OR9Q1: variants seen among roughly 807,000 people sequenced by gnomAD.
OR9Q1 encodes the protein olfactory receptor 9Q1.
For synonymous variants in OR9Q1, 153 were observed against 148.6 expected (o/e 1.03, Z -0.22); for missense variants, 374 against 378.8 (o/e 0.99, Z 0.11).
intron 2 of OR9Q1, among the ~76,000 whole-genome samples, chr11:58,147,197 C>A (rs940419698): frequency 6.6e-6 from 1 of 152,094 alleles, no homozygotes; most frequent in African/African-American, 2.4e-5. Flanking sequence ...AGGACTGATT[C>A]TTGGCAAAGT....
At chr11:58,114,741 TA>T (rs1258574065) in intron 2 of OR9Q1, among the ~76,000 whole-genome samples, 1 of 152,194 alleles carries the variant, frequency 6.6e-6, no homozygotes, top group East Asian at 1.9e-4. Context: ...AATTGTGGTT[TA>T]ATACTTTGAC....
At chr11:58,122,735 T>C (rs1224713988) in intron 2 of OR9Q1, among the ~76,000 whole-genome samples, 1 of 151,878 alleles carries the variant, frequency 6.6e-6, no homozygotes, top group Non-Finnish European at 1.5e-5. Context: ...TAGTCCTGCC[T>C]CATTCTTACT....
intron 1 of OR9Q1, among the ~76,000 whole-genome samples, chr11:58,048,931 C>A (rs1317998897): frequency 3.6e-5 from 2 of 55,242 alleles, no homozygotes; most frequent in African/African-American, 1.4e-4. Context: ...CAATAACAGG[C>A]TCTGAAATTG....
intron 2 of OR9Q1, among the ~76,000 whole-genome samples, chr11:58,167,209 T>A (rs1565095325): frequency 6.6e-6 from 1 of 152,252 alleles, no homozygotes; most frequent in Non-Finnish European, 1.5e-5. Flanking sequence ...ATATGCCAAC[T>A]GTTAAAATAT....
At chr11:58,179,012 AAG>A (rs71061582) in intron 2 of OR9Q1, among the ~76,000 whole-genome samples, 156 of 132,342 alleles carry the variant, frequency 1.2e-3, no homozygotes, top group East Asian at 3.3e-3. Flanking sequence ...GAAAGAAAGA[AAG>A]AGAGAGAGAG....
intron 2 of OR9Q1, among the ~76,000 whole-genome samples, chr11:58,166,898 A>G (rs1854510165): frequency 6.6e-6 from 1 of 152,208 alleles, no homozygotes; most frequent in Non-Finnish European, 1.5e-5. Context: ...GCTTACAAGT[A>G]CAATTTTGTT....
At chr11:58,145,626 T>G (rs142217108) in intron 2 of OR9Q1, among the ~76,000 whole-genome samples, 1 of 152,282 alleles carries the variant, frequency 6.6e-6, no homozygotes, top group Non-Finnish European at 1.5e-5. Context: ...TCAGTAAAAA[T>G]TTCTGCTTTG....
intron 2 of OR9Q1, among the ~76,000 whole-genome samples, chr11:58,130,449 A>T (rs1854130891): frequency 6.6e-6 from 1 of 152,130 alleles, no homozygotes; most frequent in Admixed American, 6.6e-5. Context: ...GCTGGGGAGC[A>T]TCTTGAAGTC....
chr11:58,025,267 G>A (rs1384471908), intron 1 of OR9Q1, among the ~76,000 whole-genome samples: 3 of 152,094 alleles, frequency 2.0e-5, no homozygotes, highest in African/African-American at 7.2e-5. Flanking sequence ...TCCGCCTCCC[G>A]GGTTCAAGAG....
rs577933747 is a variant in OR9Q1 at position 58,084,611 on chromosome 11, T to A, written c.-15+28664T>A. Among the ~76,000 whole-genome samples the A allele has an allele frequency of 1.0e-3, 156 of 152,066 alleles. 4 individuals are homozygous for A. The highest frequency in any genetic ancestry group is 3.5e-3 in the African/African-American group (145 of 41,324). On this transcript the variant is annotated intron_variant, in intron 2 of 2. Transcript: ENST00000335397. ...ATACACCATGATCAAATAGGCTTTA[T>A]TCCTGGGTTGCAAGGCTGGTTCAAC...
intron 2 of OR9Q1, among the ~76,000 whole-genome samples, chr11:58,095,828 G>A (rs1455880550): frequency 6.6e-6 from 1 of 152,098 alleles, no homozygotes; most frequent in Non-Finnish European, 1.5e-5. Flanking sequence ...TTTTAGTCTG[G>A]AAAGAATCAG....
At chr11:58,166,254 A>G (rs1227486730) in intron 2 of OR9Q1, among the ~76,000 whole-genome samples, 1 of 152,232 alleles carries the variant, frequency 6.6e-6, no homozygotes, top group Non-Finnish European at 1.5e-5. Context: ...TTTTGTTACA[A>G]TAAAATGAAA....
intron 2 of OR9Q1, among the ~76,000 whole-genome samples, chr11:58,135,796 T>C (rs986854210): frequency 1.3e-5 from 2 of 152,228 alleles, no homozygotes; most frequent in African/African-American, 4.8e-5. Context: ...TTTTGAGCTA[T>C]ATAAATATTC....
intron 2 of OR9Q1, among the ~76,000 whole-genome samples, chr11:58,160,865 T>C (rs1854450550): frequency 6.6e-6 from 1 of 152,164 alleles, no homozygotes; most frequent in Non-Finnish European, 1.5e-5. Context: ...TTTTGTAATA[T>C]ATGACAGCGA....
At position 58,147,291 on chromosome 11, in the gene OR9Q1, G is replaced by C. The variant is rs950046103; in HGVS notation, c.-14-32140G>C. Among the ~76,000 whole-genome samples the C allele has an allele frequency of 7.2e-5, 11 of 152,170 alleles. No homozygotes were observed. In the East Asian group the frequency reaches 1.9e-3, roughly 27 times the overall value. ...CTTCCATAAAGTGTGACCTTTCTCA[G>C]GTAGACACAGGTATACACTATCTGT... On this transcript the variant is annotated intron_variant, in intron 2 of 2. Coordinates refer to ENST00000335397, the MANE Select transcript of OR9Q1 (RefSeq NM_001005212.4).
chr11:58,030,653 A>G (rs112227760), intron 1 of OR9Q1, among the ~76,000 whole-genome samples: 9 of 152,260 alleles, frequency 5.9e-5, no homozygotes, highest in African/African-American at 1.9e-4. Context: ...TTTCAGGTTC[A>G]GCTATAGACA....
chr11:58,086,351 A>G (rs1264811085), intron 2 of OR9Q1, among the ~76,000 whole-genome samples: 1 of 151,926 alleles, frequency 6.6e-6, no homozygotes, highest in African/African-American at 2.4e-5. Context: ...TTAAAAAGAT[A>G]AAAGATGAGT....
chr11:58,098,495 A>T (rs1853753255), intron 2 of OR9Q1, among the ~76,000 whole-genome samples: 1 of 152,102 alleles, frequency 6.6e-6, no homozygotes, highest in Non-Finnish European at 1.5e-5. Context: ...AAGGGACAAA[A>T]ATTAACTTTG....
chr11:58,038,100 T>A (rs1275668719), intron 1 of OR9Q1, among the ~76,000 whole-genome samples: 1 of 151,776 alleles, frequency 6.6e-6, no homozygotes, highest in Non-Finnish European at 1.5e-5. Flanking sequence ...ATAGAAAGGA[T>A]CCTAAACATA....
Sources: allele counts gnomAD v4.1 joint callset (sites outside exome capture counted in the v4.1 genomes callset), GRCh38; gene constraint gnomAD v4.1.1; transcripts MANE v1.5; gene names NCBI Gene and HGNC (gene_info 2026-07-23, HGNC 2026-07-21).